TGFBRAP1: variants seen among roughly 807,000 people sequenced by gnomAD.
TGFBRAP1 encodes the protein transforming growth factor beta receptor associated protein 1, also known as transforming growth factor-beta receptor-associated protein 1.
TGFBRAP1 carries 20 observed loss-of-function variants against 83.2 expected under a neutral mutation model. The observed-to-expected ratio is 0.24, with a 90% CI of 0.17 to 0.35. TGFBRAP1 has a LOEUF of 0.35. Ranked by LOEUF, TGFBRAP1 falls within the 10% of genes least tolerant of loss-of-function variation. The pLI, the probability that TGFBRAP1 is intolerant of heterozygous loss-of-function variation, is 1.00. For synonymous variants in TGFBRAP1, 415 were observed against 459.8 expected (o/e 0.90, Z 1.25); for missense variants, 950 against 1,099.4 (o/e 0.86, Z 1.92).
intron 5 of TGFBRAP1, among the ~76,000 whole-genome samples, 188 bp downstream of exon 5, chr2:105,284,128 C>T (rs1482870984): frequency 6.6e-6 from 1 of 152,110 alleles, no homozygotes; most frequent in Admixed American, 6.6e-5. Context: ...AATTAAGGCT[C>T]CGGGTGAGGG....
At chr2:105,289,458 C>T (rs1416468462) in intron 4 of TGFBRAP1, among the ~76,000 whole-genome samples, 1 of 152,220 alleles carries the variant, frequency 6.6e-6, no homozygotes, top group Non-Finnish European at 1.5e-5. Context: ...CCAGCAGATG[C>T]CCTCCAGAAG....
At chr2:105,322,969 C>T (rs1386530944) in intron 1 of TGFBRAP1, among the ~76,000 whole-genome samples, 2 of 152,260 alleles carry the variant, frequency 1.3e-5, no homozygotes, top group East Asian at 1.9e-4. Flanking sequence ...CCCAATCAAC[C>T]AGTCAGGATG....
At chr2:105,303,515 T>A (rs1678376688) in intron 2 of TGFBRAP1, among the ~76,000 whole-genome samples, 1 of 152,170 alleles carries the variant, frequency 6.6e-6, no homozygotes, top group African/African-American at 2.4e-5. Flanking sequence ...TCCACCTGAA[T>A]AAACTCCCAC....
chr2:105,260,309 T>A (rs1460697734), downstream of TGFBRAP1, among the ~76,000 whole-genome samples: 1 of 152,190 alleles, frequency 6.6e-6, no homozygotes, highest in Non-Finnish European at 1.5e-5. Flanking sequence ...ACTTGGAGGC[T>A]GAGGCAGGAG....
chr2:105,309,986 A>G (rs1678640257), intron 1 of TGFBRAP1, among the ~76,000 whole-genome samples: 1 of 152,106 alleles, frequency 6.6e-6, no homozygotes, highest in South Asian at 2.1e-4. Context: ...GCCCTCACCA[A>G]ACACTGAGCC....
At position 105,275,647 on chromosome 2, in the gene TGFBRAP1, A is replaced by G. The variant is rs759806328; in HGVS notation, c.1578T>C (p.Tyr526=). The part of the protein sequence containing the change: ...DVQDSTRSDL[Y]EYIVDFLTYC... ...AGGTAAGAAAATCCACGATGTATTCATACAGGTCTGAGCGTGTGGAGTCCT... is the reference window on the plus strand; with the variant it reads ...AGGTAAGAAAATCCACGATGTATTCGTACAGGTCTGAGCGTGTGGAGTCCT... Residue 526 remains tyrosine (Y), a synonymous_variant, in exon 8 of 12, where the codon TAT becomes TAC. Coordinates refer to ENST00000393359, the MANE Select transcript of TGFBRAP1 (RefSeq NM_004257.6). 1.7e-5 allele frequency: 27 copies of G among 1,614,108 alleles called. No homozygotes were observed. The East Asian group carries it at 6.0e-4, about 36-fold the overall frequency.
rs566726265 is a variant in TGFBRAP1 at position 105,267,710 on chromosome 2, C to T, written c.2407-151G>A. 6.0e-5 allele frequency: 87 copies of T among 1,458,450 alleles called. 1 individual carries two copies. In the East Asian group the frequency reaches 1.6e-3, roughly 28 times the overall value. The allele number at this position is 1,458,450 out of a possible 1,614,324, so 90.3% of individuals were successfully genotyped here. On this transcript the variant is annotated intron_variant, in intron 11 of 11. Coordinates refer to ENST00000393359, the MANE Select transcript of TGFBRAP1 (RefSeq NM_004257.6). ...AATATCAACTTCTTGAAATGAAATG[C>T]TAAAGGTGTAAATAAAACCATCCTT...
At chr2:105,323,520 G>T (rs77912730) in intron 1 of TGFBRAP1, among the ~76,000 whole-genome samples, 7,326 of 152,210 alleles carry the variant, frequency 0.048, 212 homozygotes, top group Middle Eastern at 0.075. Context: ...TTTGCAGGCA[G>T]CAGGGAGTGA....
At chr2:105,289,633 C>G (rs889115506) in intron 4 of TGFBRAP1, among the ~76,000 whole-genome samples, 1 of 152,194 alleles carries the variant, frequency 6.6e-6, no homozygotes, top group Non-Finnish European at 1.5e-5. Flanking sequence ...CTACAGGCCT[C>G]GAAACTCTTC....
At chr2:105,267,684 T>G (rs1573535027) in intron 11 of TGFBRAP1, 125 bp from the exon 12 acceptor site, 1 of 1,483,826 alleles carries the variant, frequency 6.7e-7, no homozygotes, top group African/African-American at 1.4e-5. Flanking sequence ...AGGATTTCTT[T>G]AATATCAACT....
At chr2:105,327,079 C>T (rs1679244315) in intron 1 of TGFBRAP1, among the ~76,000 whole-genome samples, 1 of 152,150 alleles carries the variant, frequency 6.6e-6, no homozygotes, top group African/African-American at 2.4e-5. Flanking sequence ...CCACAAATGA[C>T]TACTTTAATG....
chr2:105,313,138 T>C (rs911352755), intron 1 of TGFBRAP1, among the ~76,000 whole-genome samples: 4 of 152,314 alleles, frequency 2.6e-5, no homozygotes, highest in Non-Finnish European at 4.4e-5. Context: ...CTGATGACTT[T>C]TGGCATCTTC....
Position 105,269,789 on chromosome 2 carries a change from T to C in TGFBRAP1, c.1973-84A>G. Reference sequence around the variant, plus strand: ...ACTGGCCTCCTTGCTGCTCTGGGCTTCAGGAGGGGAAAAGTCAACCTGGCT... The same window carrying C: ...ACTGGCCTCCTTGCTGCTCTGGGCTCCAGGAGGGGAAAAGTCAACCTGGCT... On this transcript the variant is annotated intron_variant, in intron 10 of 11. Coordinates refer to ENST00000393359, the MANE Select transcript of TGFBRAP1 (RefSeq NM_004257.6). This position sits in a 1 kb window ranked among gnomAD's most constrained non-coding sequence, Gnocchi z 4.1. 1 of 1,386,132 alleles carries C rather than the reference T, an allele frequency of 7.2e-7. No homozygotes were observed. The highest frequency in any genetic ancestry group is 1.6e-5 in the South Asian group (1 of 62,528). The allele number at this position is 1,386,132 out of a possible 1,614,324, so 85.9% of individuals were successfully genotyped here.
intron 2 of TGFBRAP1, among the ~76,000 whole-genome samples, chr2:105,302,516 G>A (rs961972139): frequency 4.1e-5 from 6 of 146,178 alleles, no homozygotes; most frequent in Non-Finnish European, 9.0e-5. Flanking sequence ...ACACTCTGAA[G>A]TGATCACTTT....
intron 1 of TGFBRAP1, among the ~76,000 whole-genome samples, chr2:105,308,909 G>A (rs946553544): frequency 9.2e-5 from 14 of 152,196 alleles, no homozygotes; most frequent in Non-Finnish European, 1.6e-4. Flanking sequence ...CGAGGCAGAC[G>A]CCAGGCCTTG....
intron 1 of TGFBRAP1, among the ~76,000 whole-genome samples, chr2:105,311,035 G>C (rs1178676563): frequency 6.6e-6 from 1 of 151,666 alleles, no homozygotes; most frequent in East Asian, 1.9e-4. Context: ...GTTAGCATAA[G>C]GGATAAACTA....
rs1237049019 is a variant in TGFBRAP1 at position 105,273,080 on chromosome 2, C to T, written c.1813-66G>A. 1.1e-5 allele frequency: 17 copies of T among 1,572,782 alleles called. 1 individual carries two copies. The South Asian group carries it at 1.6e-4, about 15-fold the overall frequency. ...TCAAGTGGGAAAGTCAAAGCTCTCCCCTGTCAGCCAGGGCTTGGAGACCGC... is the reference window on the plus strand; with the variant it reads ...TCAAGTGGGAAAGTCAAAGCTCTCCTCTGTCAGCCAGGGCTTGGAGACCGC... On this transcript the variant is annotated intron_variant, in intron 9 of 11. Transcript: ENST00000393359.
intron 1 of TGFBRAP1, among the ~76,000 whole-genome samples, chr2:105,328,640 T>C (rs534402316): frequency 3.4e-4 from 51 of 152,228 alleles, no homozygotes; most frequent in Non-Finnish European, 5.9e-4. Flanking sequence ...CTCAGTGCCT[T>C]AACTTGCCAC....
chr2:105,305,386 A>G (rs1416662775), intron 2 of TGFBRAP1, among the ~76,000 whole-genome samples: 1 of 152,216 alleles, frequency 6.6e-6, no homozygotes, highest in African/African-American at 2.4e-5. Flanking sequence ...CCTGTACCAT[A>G]AACACATACA....
Sources: gnomAD v4.1 joint callset for allele counts (sites outside exome capture counted in the v4.1 genomes callset) on GRCh38, gnomAD v4.1.1 for gene constraint, Gnocchi (gnomAD v3.1) non-coding constraint, MANE v1.5 for transcripts, NCBI Gene and HGNC (gene_info 2026-07-23, HGNC 2026-07-21) for gene names.